The following TBC1D1 variants were observed in gnomAD, a reference collection of about 807,000 sequenced individuals.
TBC1D1 encodes the protein TBC1 (tre-2/USP6, BUB2, cdc16) domain family, member 1.
In TBC1D1, 89 loss-of-function variants were observed where a neutral mutation model predicts 125.6. The ratio of observed to expected loss-of-function variants is 0.71; its 90% CI spans 0.60 to 0.85. TBC1D1 has a LOEUF of 0.85. TBC1D1 is among the 40% of genes least tolerant of loss of function. The probability of loss-of-function intolerance (pLI) is 0.00; values close to 1 mark genes in which losing one functional copy is unlikely to be tolerated. For missense variants in TBC1D1, 1,377 were observed against 1,469.2 expected (o/e 0.94, Z 1.03); for synonymous variants, 565 against 564.1 (o/e 1.00, Z -0.02).
chr4:38,031,795 C>T (rs1746195188), intron 7 of TBC1D1, among the ~76,000 whole-genome samples: 1 of 152,152 alleles, frequency 6.6e-6, no homozygotes, highest in Non-Finnish European at 1.5e-5. Flanking sequence ...GCCCAGCTGG[C>T]AGTTTATATC....
At chr4:38,007,068 C>G (rs1041033355) in intron 2 of TBC1D1, 3 of 364,186 alleles carry the variant, frequency 8.2e-6, no homozygotes, top group African/African-American at 6.6e-5. Flanking sequence ...AGCACTGAGA[C>G]GAGACATGCG....
At chr4:38,019,064 A>G (rs1743442294) in intron 4 of TBC1D1, among the ~76,000 whole-genome samples, 1 of 152,082 alleles carries the variant, frequency 6.6e-6, no homozygotes, top group African/African-American at 2.4e-5. Context: ...ATAATCTTCC[A>G]GGTGTTTCAT....
chr4:38,056,262 C>T (rs1048491545), intron 12 of TBC1D1, among the ~76,000 whole-genome samples: 3 of 152,170 alleles, frequency 2.0e-5, no homozygotes, highest in Non-Finnish European at 4.4e-5. Flanking sequence ...GAATTGCCCT[C>T]GTCACTGTTT....
intron 12 of TBC1D1, among the ~76,000 whole-genome samples, chr4:38,076,367 A>G (rs1387943035): frequency 1.3e-5 from 2 of 152,164 alleles, no homozygotes; most frequent in Admixed American, 6.5e-5. Context: ...GAGAACTACA[A>G]TTCAAGATGA....
At chr4:37,960,712 T>C (rs780314581) in intron 2 of TBC1D1, 6 of 1,614,210 alleles carry the variant, frequency 3.7e-6, no homozygotes, top group Non-Finnish European at 1.7e-6. Context: ...GCCAAAAAGA[T>C]GACCGAGAAG....
chr4:38,006,951 A>AC (rs1346962452), intron 2 of TBC1D1: 5 of 436,552 alleles, frequency 1.1e-5, no homozygotes, highest in African/African-American at 4.1e-5. Context: ...TCATCTGGAT[A>AC]CCCAGTCATA....
chr4:38,135,804 C>T (rs1472504869), intron 19 of TBC1D1, among the ~76,000 whole-genome samples: 2 of 151,796 alleles, frequency 1.3e-5, no homozygotes, highest in African/African-American at 4.8e-5. Context: ...CAAGTGTTGT[C>T]ACATTCAAAA....
At chr4:38,084,043 T>G (rs1014864663) in intron 12 of TBC1D1, among the ~76,000 whole-genome samples, 1 of 150,464 alleles carries the variant, frequency 6.6e-6, no homozygotes, top group Admixed American at 6.6e-5. Context: ...GTTCATGCCA[T>G]TCTCCTGCCT....
chr4:38,060,734 T>C, intron 12 of TBC1D1: 1 of 994,880 alleles, frequency 1.0e-6, no homozygotes, highest in Non-Finnish European at 1.4e-6. Flanking sequence ...TTTCTTCAGA[T>C]CATGGTTTAG....
intron 12 of TBC1D1, among the ~76,000 whole-genome samples, chr4:38,073,904 C>T (rs750623378): frequency 9.9e-5 from 15 of 152,190 alleles, no homozygotes; most frequent in Middle Eastern, 6.8e-3. Flanking sequence ...CCTTGGCTGC[C>T]TTCATTTTTA....
intron 11 of TBC1D1, among the ~76,000 whole-genome samples, chr4:38,051,269 CCT>C (rs1478158544): frequency 6.6e-6 from 1 of 152,168 alleles, no homozygotes; most frequent in Admixed American, 6.5e-5. Context: ...TGTCTGTCTG[CCT>C]CTCTAGCATG....
chr4:37,959,592 C>T (rs752200586), intron 2 of TBC1D1, among the ~76,000 whole-genome samples: 8 of 152,150 alleles, frequency 5.3e-5, no homozygotes, highest in South Asian at 2.1e-4. Context: ...GGCTCAAATA[C>T]GTACGCACAT....
intron 12 of TBC1D1, among the ~76,000 whole-genome samples, chr4:38,089,592 G>C (rs1452768727): frequency 6.6e-6 from 1 of 151,996 alleles, no homozygotes; most frequent in African/African-American, 2.4e-5. Context: ...AGAACAGTTT[G>C]GTACACAGTA....
At chr4:37,978,700 C>G (rs910662201) in intron 2 of TBC1D1, among the ~76,000 whole-genome samples, 5 of 124,304 alleles carry the variant, frequency 4.0e-5, no homozygotes, top group African/African-American at 1.5e-4. Context: ...TGAAACATAG[C>G]TGGTGGTAAA....
intron 19 of TBC1D1, among the ~76,000 whole-genome samples, chr4:38,133,783 G>A (rs978204549): frequency 1.3e-5 from 2 of 152,112 alleles, no homozygotes; most frequent in African/African-American, 4.8e-5. Context: ...ATTTCAACAC[G>A]GATATACTCA....
intron 2 of TBC1D1, among the ~76,000 whole-genome samples, chr4:38,012,947 C>A (rs529985827): frequency 1.3e-5 from 2 of 152,170 alleles, no homozygotes; most frequent in Admixed American, 1.3e-4. Context: ...GCACCTGCCA[C>A]CACGCCCAGC....
chr4:38,046,004 G>A, intron 10 of TBC1D1, 101 bp downstream of exon 10: 1 of 1,075,744 alleles, frequency 9.3e-7, no homozygotes, highest in Non-Finnish European at 1.4e-6. Flanking sequence ...TTTGCTGCTT[G>A]CAAATTTCTT....
chr4:38,043,590 C>CAA (rs34854751), intron 8 of TBC1D1, among the ~76,000 whole-genome samples: 48,300 of 142,468 alleles, frequency 0.34, 8,467 homozygotes, highest in East Asian at 0.62. Context: ...CACCCTGTCT[C>CAA]AAAAAAAAAA....
chr4:37,937,639 TA>T (rs1348402029), intron 2 of TBC1D1, among the ~76,000 whole-genome samples: 8 of 152,124 alleles, frequency 5.3e-5, no homozygotes, highest in Non-Finnish European at 1.2e-4. Flanking sequence ...CAAGAAACAA[TA>T]ATTACATAAA....
Sources: gnomAD v4.1 joint callset for allele counts (sites outside exome capture counted in the v4.1 genomes callset) on GRCh38, gnomAD v4.1.1 for gene constraint, MANE v1.5 for transcripts, NCBI Gene and HGNC (gene_info 2026-07-23, HGNC 2026-07-21) for gene names.